HPX: variants seen among roughly 807,000 people sequenced by gnomAD.
HPX encodes beta-1B-glycoprotein.
In HPX, 42 loss-of-function variants were observed where a neutral mutation model predicts 53.8. The ratio of observed to expected loss-of-function variants is 0.78; its 90% CI spans 0.61 to 1.01. The LOEUF (loss-of-function observed/expected upper bound fraction) is 1.01, where lower values mean the gene tolerates loss of function less well. HPX is among the 50% of genes least tolerant of loss of function. The pLI, the probability that HPX is intolerant of heterozygous loss-of-function variation, is 0.00. For synonymous variants in HPX, 229 were observed against 221.1 expected, an observed-to-expected ratio of 1.04 and a Z score of -0.32; for missense variants, 547 against 594.3, an observed-to-expected ratio of 0.92 and a Z score of 0.83.
In HPX at chr11:6,438,427, G is replaced by A. The variant is rs190143297; in HGVS notation, c.419C>T (p.Pro140Leu). The A allele has an allele frequency of 4.6e-5, 74 of 1,613,882 alleles. No homozygotes were observed. Among genetic ancestry groups the A allele is most frequent in the Non-Finnish European group, 6.2e-5 (73 of 1,179,896 alleles). ...TTCCACAGCTGCATCCAGTGGGGAT[G>A]GGATTCCAGGAAATTCATCTTGGAG... ...KLLQDEFPGI[P>L]SPLDAAVECH... Residue 140 changes from proline to leucine, a missense_variant, in exon 5 of 10, where the codon CCA becomes CTA. Physicochemically the swap from Pro to Leu is moderately conservative, Grantham distance 98 (BLOSUM62 -3). Transcript: ENST00000265983.
At chr11:6,440,567 TAAAAAAAAAAAAAAAAAAAAAAAAA>T (rs71056749) in intron 2 of HPX, 29 bp from the exon 3 acceptor site, 12 of 591,194 alleles carry the variant, frequency 2.0e-5, no homozygotes, top group African/African-American at 9.8e-5. Flanking sequence ...GATGGCAAAG[TAAAAAAAAAAAAAAAAAAAAAAAAA>T]AAAAAAAAAA....
Position 6,440,528 on chromosome 11 carries a change from T to C in HPX, c.153A>G (p.Ser51=), listed in dbSNP as rs1464308770. The change falls in exon 3 of 10, where the codon TCA becomes TCG. Residue 51 remains serine (S), a synonymous_variant. Coordinates refer to ENST00000265983, the MANE Select transcript of HPX (RefSeq NM_000613.3). ...KPDPDVTERC[S]DGWSFDATTL... ...TGGTAGCATCAAAGCTCCAGCCATC[T>C]GAGCAGCGTTCTGGGGTGGAGGTAG... 1 of 1,570,072 alleles carries C rather than the reference T, an allele frequency of 6.4e-7. No individual in the cohort carries two copies. Among genetic ancestry groups the C allele is most frequent in the Non-Finnish European group, 8.6e-7 (1 of 1,160,460 alleles).
intron 7 of HPX, among the ~76,000 whole-genome samples, chr11:6,434,331 T>G (rs1304050066): frequency 1.3e-5 from 2 of 152,126 alleles, no homozygotes. Context: ...TTATTTTATT[T>G]TATTTATTTG....
chr11:6,432,281 T>A (rs1358728069), intron 7 of HPX: 1 of 513,382 alleles, frequency 1.9e-6, no homozygotes, highest in African/African-American at 1.9e-5. Context: ...AAGGCCAACA[T>A]CATGGGGTTG....
chr11:6,438,009 G>C, intron 5 of HPX: 2 of 489,206 alleles, frequency 4.1e-6, no homozygotes, highest in Non-Finnish European at 7.3e-6. Context: ...GGTTTCTGGA[G>C]CTTAGTGTTA....
At chr11:6,436,588 A>C (rs1849420124) in intron 7 of HPX, among the ~76,000 whole-genome samples, 1 of 152,224 alleles carries the variant, frequency 6.6e-6, no homozygotes, top group Non-Finnish European at 1.5e-5. Context: ...TGCTATGCCC[A>C]GGGGTCTGGA....
At position 6,431,397 on chromosome 11, in the gene HPX, C is replaced by T. The variant is rs1344755587; in HGVS notation, c.1203G>A (p.Glu401=). The change falls in exon 10 of 10, where the codon GAG becomes GAA. Residue 401 remains glutamate, a synonymous_variant. Transcript: ENST00000265983. ...CCATACACAAGGCTCCGTCTACCTT[C>T]TCATGGGGCCAAGGAAGCTCTGTCC... ...ATWTELPWPH[E]KVDGALCMEK... The T allele has an allele frequency of 6.2e-7, 1 of 1,614,284 alleles. No homozygotes were observed. The highest frequency in any genetic ancestry group is 1.1e-5 in the South Asian group (1 of 91,090).
rs768739364 is a variant in HPX at position 6,431,160 on chromosome 11, T to C, written c.*51A>G. The stretch of plus-strand genomic sequence containing the variant: ...GAAGCGAAGAAGCAATCTGTCTTTA[T>C]TATGAGGAACTAGGAGGTGGGGCCA... On this transcript the variant is annotated 3_prime_UTR_variant, in exon 10 of 10. Coordinates refer to ENST00000265983, the MANE Select transcript of HPX (RefSeq NM_000613.3). 9.3e-6 allele frequency: 15 copies of C among 1,606,836 alleles called. No homozygotes were observed. The East Asian group carries it at 1.1e-4, about 12-fold the overall frequency.
rs956158643 is a variant in HPX at position 6,440,871 on chromosome 11, C to T, written c.83+10G>A. 4 of 1,612,896 alleles carry T rather than the reference C, an allele frequency of 2.5e-6. No homozygotes were observed. The highest frequency in any genetic ancestry group is 1.7e-5 in the Admixed American group (1 of 59,936). The stretch of plus-strand genomic sequence containing the variant: ...CTCAATCCTTCGCTTCTAGTCCCAG[C>T]TTTACTCACGGAGGAAGAGGGGTGG... On this transcript the variant is annotated intron_variant, in intron 1 of 9. Transcript: ENST00000265983.
rs1335095475 is a variant in HPX, at chr11:6,431,073, T to C, written c.*138A>G. Reference sequence around the variant, plus strand: ...ATTCAAGTGAAGAAGCAATCTGTCTTTATTATGAGAAACTGGGGAGGTGGG... The same window carrying C: ...ATTCAAGTGAAGAAGCAATCTGTCTCTATTATGAGAAACTGGGGAGGTGGG... On this transcript the variant is annotated 3_prime_UTR_variant, in exon 10 of 10. Coordinates refer to ENST00000265983, the MANE Select transcript of HPX (RefSeq NM_000613.3). The C allele has an allele frequency of 1.7e-6, 2 of 1,148,462 alleles. No homozygotes were observed. Among genetic ancestry groups the C allele is most frequent in the East Asian group, 2.5e-5 (1 of 39,644 alleles). The allele number at this position is 1,148,462 out of a possible 1,614,324, so 71.1% of individuals were successfully genotyped here. A position where few individuals can be genotyped will look rare whatever the true frequency, so the allele number is the denominator to read the frequency against.
Position 6,437,168 on chromosome 11 carries a change from T to C in HPX, c.713A>G (p.His238Arg), listed in dbSNP as rs34780512. The C allele has an allele frequency of 5.2e-4, 843 of 1,613,650 alleles. 10 individuals carry two copies. Among genetic ancestry groups the C allele is most frequent in the Middle Eastern group, 3.3e-4 (2 of 6,036 alleles). Reference sequence around the variant, plus strand: ...GTTCCCATGGCCAGTCCCATTCCTGTGTCCATGGCCTGGAGAGAGAAATGG... The same window carrying C: ...GTTCCCATGGCCAGTCCCATTCCTGCGTCCATGGCCTGGAGAGAGAAATGG... ...FMPCPGRGHG[H>R]RNGTGHGNST... The change falls in exon 7 of 10, where the codon CAC (histidine) becomes CGC (arginine). Residue 238 changes from histidine (H) to arginine (R), a missense_variant. By Grantham distance (29) the His-to-Arg change is conservative (BLOSUM62 0). Transcript: ENST00000265983.
chr11:6,436,096 A>G (rs1273090383), intron 7 of HPX, among the ~76,000 whole-genome samples: 1 of 152,162 alleles, frequency 6.6e-6, no homozygotes, highest in East Asian at 1.9e-4. Flanking sequence ...TTTTCACTAC[A>G]GGTGTGTGTT....
rs747867722 is a variant in HPX at position 6,437,060 on chromosome 11, G to A, written c.821C>T (p.Thr274Ile). The A allele has an allele frequency of 2.5e-6, 4 of 1,614,074 alleles. No individual in the cohort carries two copies. The East Asian group carries it at 6.7e-5, about 27-fold the overall frequency. ...GCATCTCTCACCACTGAAGGCATAG[G>A]TGGCACCATGGTTGTCAGACGTCAG... ...SALTSDNHGA[T>I]YAFSGTHYWR... The change falls in exon 7 of 10, where the codon ACC (threonine) becomes ATC (isoleucine). Residue 274 changes from threonine to isoleucine, a missense_variant. Coordinates refer to ENST00000265983, the MANE Select transcript of HPX (RefSeq NM_000613.3).
At chr11:6,438,076 G>T in intron 5 of HPX, 1 of 521,872 alleles carries the variant, frequency 1.9e-6, no homozygotes, top group Non-Finnish European at 3.4e-6. Context: ...TGGCCATGGA[G>T]AGACTTGTAT....
rs751793861 is a variant in HPX at position 6,431,822 on chromosome 11, TAATA to T, written c.967-23_967-20del. On this transcript the variant is annotated intron_variant, in intron 8 of 9. Transcript: ENST00000265983. ...GGGTGCCCTGGAGGACAAAGGATGG[TAATA>T]AATACAGAGTTGGATATGCTTGTCC... The T allele has an allele frequency of 1.2e-6, 2 of 1,613,972 alleles. No homozygotes were observed. The highest frequency in any genetic ancestry group is 2.2e-5 in the East Asian group (1 of 44,876).
intron 7 of HPX, 36 bp from the exon 8 acceptor site, chr11:6,432,053 C>T (rs374869200): frequency 2.0e-5 from 33 of 1,612,588 alleles, no homozygotes; most frequent in Non-Finnish European, 2.6e-5. Context: ...GGGCCGCTGG[C>T]AGAAGCCCAG....
In HPX at chr11:6,438,351, C is replaced by T; in HGVS notation, c.490+5G>A. ...CCAGGTTCTTGGATTCCAGCCTGGA[C>T]TGACCTTGGAAGAAGAGGACGCCTT... On this transcript the variant is annotated splice_donor_5th_base_variant and intron_variant, in intron 5 of 9. Transcript: ENST00000265983. 1 of 1,613,990 alleles carries T rather than the reference C, an allele frequency of 6.2e-7. No individual in the cohort carries two copies. The highest frequency in any genetic ancestry group is 8.5e-7 in the Non-Finnish European group (1 of 1,179,928).
In HPX at chr11:6,431,154, T is replaced by C; in HGVS notation, c.*57A>G. The C allele has an allele frequency of 1.9e-6, 3 of 1,604,228 alleles. No individual in the cohort carries two copies. Among genetic ancestry groups the C allele is most frequent in the South Asian group, 2.2e-5 (2 of 90,400 alleles). On this transcript the variant is annotated 3_prime_UTR_variant, in exon 10 of 10. Coordinates refer to ENST00000265983, the MANE Select transcript of HPX (RefSeq NM_000613.3). The stretch of plus-strand genomic sequence containing the variant: ...CAGTGAGAAGCGAAGAAGCAATCTG[T>C]CTTTATTATGAGGAACTAGGAGGTG...
intron 5 of HPX, 138 bp from the exon 6 acceptor site, chr11:6,437,790 G>A (rs1235310852): frequency 4.4e-6 from 3 of 676,012 alleles, no homozygotes; most frequent in Non-Finnish European, 7.8e-6. Flanking sequence ...GCTAAAGGAG[G>A]GTGATCATAC....
Sources: gnomAD v4.1 joint callset for allele counts (sites outside exome capture counted in the v4.1 genomes callset) on GRCh38, gnomAD v4.1.1 for gene constraint, MANE v1.5 for transcripts, NCBI Gene and HGNC (gene_info 2026-07-23, HGNC 2026-07-21) for gene names.